The following WDR7 variants were observed in gnomAD, a reference collection of about 807,000 sequenced individuals.
WDR7 encodes the protein WD repeat domain 7.
Under a neutral mutation model 169.4 loss-of-function variants are expected in WDR7, and 46 were observed. That is an observed-to-expected ratio of 0.27 (90% CI 0.21 to 0.35). The LOEUF (loss-of-function observed/expected upper bound fraction) is 0.35, where lower values mean the gene tolerates loss of function less well. Among genes scored for constraint, WDR7 ranks in the 10% least tolerant of loss-of-function variants. The pLI is 1.00. For synonymous variants in WDR7, 612 were observed against 666.8 expected (o/e 0.92, Z 1.27); for missense variants, 1,534 against 1,859.3 (o/e 0.83, Z 3.22).
intron 14 of WDR7, among the ~76,000 whole-genome samples, chr18:56,733,316 TCTAA>T (rs1219357319): frequency 5.9e-5 from 9 of 152,314 alleles, no homozygotes; most frequent in South Asian, 4.1e-4. Flanking sequence ...TAGGGATTTC[TCTAA>T]CTATTTTCTC....
intron 21 of WDR7, among the ~76,000 whole-genome samples, chr18:56,917,899 A>G (rs1175394337): frequency 2.0e-5 from 3 of 152,228 alleles, no homozygotes; most frequent in Non-Finnish European, 2.9e-5. Context: ...TAAGAAATGT[A>G]AAAATTTGAT....
At chr18:56,803,279 ATG>A (rs2044708979) in intron 19 of WDR7, among the ~76,000 whole-genome samples, 1 of 152,180 alleles carries the variant, frequency 6.6e-6, no homozygotes, top group South Asian at 2.1e-4. Context: ...TGCCAATTAA[ATG>A]TGTCATCTGC....
intron 19 of WDR7, among the ~76,000 whole-genome samples, chr18:56,801,885 T>C (rs2044679205): frequency 6.6e-6 from 1 of 152,218 alleles, no homozygotes; most frequent in Admixed American, 6.5e-5. Context: ...CAGATTTTGA[T>C]GATCATGAAT....
intron 19 of WDR7, among the ~76,000 whole-genome samples, chr18:56,783,127 T>A (rs1255106206): frequency 6.8e-6 from 1 of 147,622 alleles, no homozygotes; most frequent in Non-Finnish European, 1.5e-5. Context: ...ATTTGCTTTC[T>A]GGAAATTTTT....
chr18:56,723,036 T>C (rs949136397), intron 13 of WDR7, among the ~76,000 whole-genome samples: 1 of 152,176 alleles, frequency 6.6e-6, no homozygotes, highest in Non-Finnish European at 1.5e-5. Context: ...CAAGACAAGG[T>C]CTTCCATAGT....
chr18:56,867,528 T>C (rs188525411), intron 20 of WDR7, among the ~76,000 whole-genome samples: 6 of 152,122 alleles, frequency 3.9e-5, no homozygotes, highest in Admixed American at 2.0e-4. Context: ...ATTCAAATCA[T>C]TGGGAGGGAG....
At chr18:56,764,066 T>C (rs74675360) in intron 16 of WDR7, among the ~76,000 whole-genome samples, 1 of 126,994 alleles carries the variant, frequency 7.9e-6, no homozygotes, top group Non-Finnish European at 1.7e-5. Context: ...GATTATTATT[T>C]ATTTTTTCTA....
intron 20 of WDR7, among the ~76,000 whole-genome samples, chr18:56,855,965 T>C (rs2045714275): frequency 6.6e-6 from 1 of 152,118 alleles, no homozygotes; most frequent in South Asian, 2.1e-4. Context: ...GGCTCAGCTA[T>C]TCATGACAAA....
At chr18:56,754,929 TTCTC>T (rs762613471) in intron 14 of WDR7, among the ~76,000 whole-genome samples, 10 of 152,160 alleles carry the variant, frequency 6.6e-5, no homozygotes, top group Non-Finnish European at 1.3e-4. Context: ...GAGTTTGACT[TTCTC>T]TATACTGTTT....
intron 1 of WDR7, among the ~76,000 whole-genome samples, chr18:56,670,109 T>G (rs1568127631): frequency 6.6e-6 from 1 of 152,202 alleles, no homozygotes; most frequent in Non-Finnish European, 1.5e-5. Context: ...ATTTGCCCTT[T>G]TTTTTGTTTT....
chr18:56,982,511 G>A (rs1310232683), intron 26 of WDR7, among the ~76,000 whole-genome samples: 1 of 152,128 alleles, frequency 6.6e-6, no homozygotes, highest in Non-Finnish European at 1.5e-5. Flanking sequence ...TCATGAGCTT[G>A]AGCTATTTTC....
intron 20 of WDR7, among the ~76,000 whole-genome samples, chr18:56,840,062 AAAAAC>A (rs1478983785): frequency 2.6e-5 from 4 of 152,144 alleles, no homozygotes; most frequent in Non-Finnish European, 2.9e-5. Flanking sequence ...ATTCCATCTC[AAAAAC>A]AAAACAAAAC....
At chr18:56,883,426 C>T (rs1356615820) in intron 21 of WDR7, among the ~76,000 whole-genome samples, 2 of 150,936 alleles carry the variant, frequency 1.3e-5, no homozygotes, top group African/African-American at 4.9e-5. Context: ...TTTCTTTTAA[C>T]TGTAATAATT....
intron 14 of WDR7, among the ~76,000 whole-genome samples, chr18:56,747,404 A>T (rs751344058): frequency 2.2e-4 from 34 of 152,196 alleles, no homozygotes; most frequent in Non-Finnish European, 1.2e-4. Flanking sequence ...ACATAGTTTA[A>T]TACTCTTGAT....
intron 21 of WDR7, among the ~76,000 whole-genome samples, chr18:56,893,493 C>T (rs927631960): frequency 9.9e-5 from 15 of 151,862 alleles, no homozygotes; most frequent in Non-Finnish European, 2.2e-4. Flanking sequence ...GTTTGTAGAC[C>T]ACCTGCCATG....
At chr18:56,831,496 C>T (rs773761354) in intron 20 of WDR7, among the ~76,000 whole-genome samples, 17 of 152,064 alleles carry the variant, frequency 1.1e-4, no homozygotes, top group Non-Finnish European at 2.4e-4. Context: ...ACAAAGGTAG[C>T]GCAAGTGCTT....
rs142433179 is a variant in WDR7, at chr18:56,817,727, G to A, written c.3304+1583G>A. Among the ~76,000 whole-genome samples, 1,237 of 151,656 alleles carry A rather than the reference G, an allele frequency of 8.2e-3. 20 individuals are homozygous for A. Among genetic ancestry groups the A allele is most frequent in the African/African-American group, 0.026 (1,085 of 41,344 alleles). ...AGAATTTGTTTTGGTAGCTGCTAAA[G>A]AAAATCTATTTTCTTTGCAGATTTT... On this transcript the variant is annotated intron_variant, in intron 20 of 27. Transcript: ENST00000254442.
intron 19 of WDR7, among the ~76,000 whole-genome samples, chr18:56,798,533 A>G (rs577232936): frequency 1.3e-5 from 2 of 152,328 alleles, no homozygotes; most frequent in African/African-American, 4.8e-5. Flanking sequence ...GTAATGAGTT[A>G]AGATATCCTG....
intron 25 of WDR7, among the ~76,000 whole-genome samples, chr18:56,947,714 G>A (rs763135119): frequency 6.6e-6 from 1 of 152,200 alleles, no homozygotes; most frequent in Non-Finnish European, 1.5e-5. Flanking sequence ...TTAGTGTGCT[G>A]CAGCATCATG....
Sources: allele counts gnomAD v4.1 joint callset (sites outside exome capture counted in the v4.1 genomes callset), GRCh38; gene constraint gnomAD v4.1.1; transcripts MANE v1.5; gene names NCBI Gene and HGNC (gene_info 2026-07-23, HGNC 2026-07-21).